Variants in SLC39A6 observed in about 807,000 individuals in gnomAD.
The protein encoded by SLC39A6 is solute carrier family 39 member 6.
A neutral mutation model predicts 63.5 loss-of-function variants in SLC39A6; 51 were observed. That is an observed-to-expected ratio of 0.80 (90% CI 0.64 to 1.01). The LOEUF (loss-of-function observed/expected upper bound fraction) is 1.01, where lower values mean the gene tolerates loss of function less well. Among genes scored for constraint, SLC39A6 ranks in the 50% least tolerant of loss-of-function variants. SLC39A6 has a pLI of 0.00. For missense variants in SLC39A6, 805 were observed against 927.8 expected, an observed-to-expected ratio of 0.87 and a Z score of 1.72; for synonymous variants, 318 against 324.7, an observed-to-expected ratio of 0.98 and a Z score of 0.22.
At chr18:36,117,727 T>C (rs1445864959) in intron 5 of SLC39A6, among the ~76,000 whole-genome samples, 1 of 152,198 alleles carries the variant, frequency 6.6e-6, no homozygotes, top group Non-Finnish European at 1.5e-5. Context: ...TCTTAGATTT[T>C]AAGAGCTTTT....
At chr18:36,122,012 T>C (rs1598710881) in intron 5 of SLC39A6, 40 bp downstream of exon 5, 6 of 1,397,798 alleles carry the variant, frequency 4.3e-6, no homozygotes, top group South Asian at 3.6e-5. Context: ...TATAAATAAA[T>C]ATCTGAAGCA....
intron 4 of SLC39A6, 121 bp downstream of exon 4, chr18:36,123,374 A>T: frequency 2.3e-6 from 2 of 871,312 alleles, no homozygotes; most frequent in Non-Finnish European, 3.5e-6. Context: ...AATATATTTT[A>T]AAATAAGCTT....
chr18:36,112,718 C>A, intron 7 of SLC39A6, 137 bp from the exon 8 acceptor site: 1 of 643,496 alleles, frequency 1.6e-6, no homozygotes, highest in Admixed American at 2.8e-5. Context: ...AACTCTGTAT[C>A]TTCTTTGTAA....
intron 5 of SLC39A6, among the ~76,000 whole-genome samples, chr18:36,121,236 A>G (rs757703596): frequency 1.3e-5 from 2 of 151,996 alleles, no homozygotes; most frequent in African/African-American, 2.4e-5. Flanking sequence ...AGCTCACTGC[A>G]GCATCCGCCT....
rs754356833 is a variant in SLC39A6 at position 36,122,204 on chromosome 18, G to C, written c.1207C>G (p.Leu403Val). The C allele has an allele frequency of 6.2e-7, 1 of 1,614,098 alleles. No homozygotes were observed. Among genetic ancestry groups the C allele is most frequent in the Non-Finnish European group, 8.5e-7 (1 of 1,179,988 alleles). The change falls in exon 5 of 10, where the codon CTT becomes GTT. Residue 403 changes from leucine to valine, a missense_variant. Physicochemically the swap from Leu to Val is conservative, Grantham distance 32 (BLOSUM62 1). Coordinates refer to ENST00000269187, the MANE Select transcript of SLC39A6 (RefSeq NM_012319.4). ...EPAMEMKRGP[L>V]FSHLSSQNIE... ...TTTTGAGAAGACAGATGACTGAAAAGTGGTCCTCTTTTCATTTCCATTGCT... is the reference window on the plus strand; with the variant it reads ...TTTTGAGAAGACAGATGACTGAAAACTGGTCCTCTTTTCATTTCCATTGCT...
At chr18:36,119,521 A>G (rs1441255067) in intron 5 of SLC39A6, among the ~76,000 whole-genome samples, 2 of 152,160 alleles carry the variant, frequency 1.3e-5, no homozygotes, top group South Asian at 2.1e-4. Context: ...TATGACCCAC[A>G]TTAATATATG....
At chr18:36,113,246 C>T (rs1451222943) in intron 7 of SLC39A6, among the ~76,000 whole-genome samples, 2 of 151,992 alleles carry the variant, frequency 1.3e-5, no homozygotes, top group Non-Finnish European at 2.9e-5. Flanking sequence ...AGGTGTGTAC[C>T]ACCATACCTG....
chr18:36,114,515 T>A, intron 6 of SLC39A6, 41 bp from the exon 7 acceptor site: 5 of 1,489,878 alleles, frequency 3.4e-6, no homozygotes, highest in Non-Finnish European at 4.5e-6. Flanking sequence ...GTTAGAAGGC[T>A]TTGTTAATGG....
chr18:36,117,110 G>A (rs999315921), intron 5 of SLC39A6, among the ~76,000 whole-genome samples: 4 of 152,202 alleles, frequency 2.6e-5, no homozygotes, highest in Admixed American at 6.5e-5. Flanking sequence ...GGTGGCATGC[G>A]CCTGTATTCC....
intron 7 of SLC39A6, among the ~76,000 whole-genome samples, chr18:36,113,180 A>T (rs1000858099): frequency 6.6e-6 from 1 of 151,924 alleles, no homozygotes; most frequent in Non-Finnish European, 1.5e-5. Flanking sequence ...CTAGAACCTC[A>T]AACTCCCGGG....
rs59445780 is a variant in SLC39A6, at chr18:36,115,461, A to AAACAACAAC, written c.1466-996_1466-988dup. ...CGTCTCAAAAAAAAAAAAAAAATTA[A>AAACAACAAC]AACAACAACAACAACAACAACAACA... is the stretch of plus-strand genomic sequence containing the variant. On this transcript the variant is annotated intron_variant, in intron 6 of 9. Transcript: ENST00000269187. 7.2e-3 allele frequency among the ~76,000 whole-genome samples: 1,064 copies of AAACAACAAC among 147,558 alleles called. 15 individuals are homozygous for AAACAACAAC. The highest frequency in any genetic ancestry group is 0.026 in the African/African-American group (1,020 of 39,486).
intron 6 of SLC39A6, 85 bp downstream of exon 6, chr18:36,116,589 C>G: frequency 1.1e-6 from 1 of 886,672 alleles, no homozygotes; most frequent in Non-Finnish European, 1.8e-6. Context: ...GGACATGGTC[C>G]CATTTCTTCC....
rs1198088400 is a variant in SLC39A6 at position 36,108,844 on chromosome 18, C to T, written c.*749G>A. 1 of 152,182 alleles carries T rather than the reference C, an allele frequency of 6.6e-6. No individual in the cohort carries two copies. Among genetic ancestry groups the T allele is most frequent in the Non-Finnish European group, 1.5e-5 (1 of 68,022 alleles). The allele number at this position is 152,182 out of a possible 1,614,324, so 9.4% of individuals were successfully genotyped here. On this transcript the variant is annotated 3_prime_UTR_variant, in exon 10 of 10. Transcript: ENST00000269187. ...GTCTGGTGATACATAAAACTACTCA[C>T]TGTACTCATCTGGTATATACCCGCA...
At chr18:36,128,802 A>C (rs1029626578) in intron 1 of SLC39A6, among the ~76,000 whole-genome samples, 9 of 152,216 alleles carry the variant, frequency 5.9e-5, no homozygotes, top group Non-Finnish European at 1.2e-4. Flanking sequence ...AAGAGGGCAC[A>C]AAGCTCTCTT....
chr18:36,127,146 T>C, intron 1 of SLC39A6, 130 bp from the exon 2 acceptor site: 1 of 764,162 alleles, frequency 1.3e-6, no homozygotes, highest in Non-Finnish European at 2.1e-6. Flanking sequence ...GTGACCAGTG[T>C]GACGCTAGGT....
At chr18:36,118,657 C>T (rs761546774) in intron 5 of SLC39A6, among the ~76,000 whole-genome samples, 4 of 152,136 alleles carry the variant, frequency 2.6e-5, no homozygotes, top group Non-Finnish European at 5.9e-5. Context: ...GGAGATCAGA[C>T]AATAGAACTC....
intron 3 of SLC39A6, among the ~76,000 whole-genome samples, chr18:36,123,932 G>C (rs1313733244): frequency 6.6e-6 from 1 of 150,592 alleles, no homozygotes; most frequent in Non-Finnish European, 1.5e-5. Flanking sequence ...GGGTGAAAGA[G>C]GAAAAAAAAA....
At chr18:36,122,628 A>G (rs1315002902) in intron 4 of SLC39A6, among the ~76,000 whole-genome samples, 1 of 150,834 alleles carries the variant, frequency 6.6e-6, no homozygotes, top group Non-Finnish European at 1.5e-5. Flanking sequence ...CAATGTCATC[A>G]CACTAGCATT....
At position 36,122,055 on chromosome 18, in the gene SLC39A6, TTTC is replaced by T. The variant is rs751440195; in HGVS notation, c.1353_1355del (p.Lys453del). On this transcript the variant is annotated inframe_deletion, in exon 5 of 10. Transcript: ENST00000269187. ...TACTCGGTATACTTTTTCTTACCTT[TTTC>T]TTCTTATCTTTAAATTGTTTGATCA... The T allele has an allele frequency of 1.1e-4, 174 of 1,603,488 alleles. No individual in the cohort carries two copies. Among genetic ancestry groups the T allele is most frequent in the Non-Finnish European group, 1.2e-4 (144 of 1,172,456 alleles).
Sources: allele counts gnomAD v4.1 joint callset (sites outside exome capture counted in the v4.1 genomes callset), GRCh38; gene constraint gnomAD v4.1.1; transcripts MANE v1.5; gene names NCBI Gene and HGNC (gene_info 2026-07-23, HGNC 2026-07-21).